The following TTC29 variants were observed in gnomAD, a reference collection of about 807,000 sequenced individuals.
TTC29 encodes tetratricopeptide repeat domain 29.
TTC29 carries 49 observed loss-of-function variants against 58.1 expected under a neutral mutation model. The observed-to-expected ratio is 0.84, with a 90% CI of 0.67 to 1.07. The LOEUF is 1.07. Among genes scored for constraint, TTC29 ranks in the 50% least tolerant of loss-of-function variants. The pLI is 0.00. For missense variants in TTC29, 582 were observed against 555.6 expected, an observed-to-expected ratio of 1.05 and a Z score of -0.48; for synonymous variants, 209 against 196.8, an observed-to-expected ratio of 1.06 and a Z score of -0.52.
intron 11 of TTC29, among the ~76,000 whole-genome samples, chr4:146,801,838 C>T (rs972835588): frequency 9.3e-5 from 14 of 151,150 alleles, no homozygotes; most frequent in Non-Finnish European, 1.9e-4. Flanking sequence ...ATTAGCCGGG[C>T]GTCATGGTTG....
At chr4:146,899,597 C>A (rs573452450) in intron 6 of TTC29, among the ~76,000 whole-genome samples, 1 of 152,132 alleles carries the variant, frequency 6.6e-6, no homozygotes, top group Non-Finnish European at 1.5e-5. Context: ...ACACCAAAGA[C>A]CCATTTTTAG....
At chr4:146,728,827 A>ACATATATATGTATATATATATG (rs1579539140) in intron 11 of TTC29, among the ~76,000 whole-genome samples, 1 of 67,744 alleles carries the variant, frequency 1.5e-5, no homozygotes, top group African/African-American at 4.5e-5. Flanking sequence ...GTATATATAC[A>ACATATATATGTATATATATATG]TATATATACA....
At chr4:146,763,644 T>C (rs916395819) in intron 11 of TTC29, among the ~76,000 whole-genome samples, 8 of 152,130 alleles carry the variant, frequency 5.3e-5, no homozygotes, top group Non-Finnish European at 8.8e-5. Flanking sequence ...TAGTTAAATA[T>C]CACATTTTCA....
chr4:146,788,421 A>C (rs1749194683), intron 11 of TTC29, among the ~76,000 whole-genome samples: 1 of 152,210 alleles, frequency 6.6e-6, no homozygotes, highest in Non-Finnish European at 1.5e-5. Context: ...AAATGACTTT[A>C]TAACATCAGG....
chr4:146,849,869 C>A (rs1230623865), intron 8 of TTC29, among the ~76,000 whole-genome samples: 1 of 152,134 alleles, frequency 6.6e-6, no homozygotes, highest in African/African-American at 2.4e-5. Context: ...ATGGCCCACT[C>A]TCTCACAGGC....
intron 8 of TTC29, among the ~76,000 whole-genome samples, chr4:146,858,755 G>A (rs774994975): frequency 5.3e-5 from 8 of 152,124 alleles, no homozygotes; most frequent in African/African-American, 1.4e-4. Flanking sequence ...AGGATTATCC[G>A]CATCTTACAG....
At chr4:146,710,630 A>C (rs1244452823) in intron 11 of TTC29, among the ~76,000 whole-genome samples, 6 of 152,042 alleles carry the variant, frequency 3.9e-5, no homozygotes, top group African/African-American at 1.2e-4. Context: ...GTGTGATTTG[A>C]GATGTTTGAT....
intron 4 of TTC29, among the ~76,000 whole-genome samples, chr4:146,934,674 A>G (rs151119955): frequency 2.0e-5 from 3 of 148,476 alleles, no homozygotes; most frequent in Non-Finnish European, 4.4e-5. Context: ...GAGTTTGGAA[A>G]GAGAAAGCAG....
intron 7 of TTC29, among the ~76,000 whole-genome samples, chr4:146,870,989 G>A (rs767730358): frequency 8.6e-5 from 13 of 151,764 alleles, no homozygotes; most frequent in South Asian, 2.1e-4. Context: ...ATCATTCTGC[G>A]AGACCAGTAT....
At chr4:146,728,773 ACATATATATGTG>A (rs1744007003) in intron 11 of TTC29, among the ~76,000 whole-genome samples, 1 of 132,768 alleles carries the variant, frequency 7.5e-6, no homozygotes, top group South Asian at 2.3e-4. Flanking sequence ...ATATATATAC[ACATATATATGTG>A]TATATATACG....
chr4:146,942,653 C>A, intron 2 of TTC29: 1 of 1,528,874 alleles, frequency 6.5e-7, no homozygotes, highest in South Asian at 1.2e-5. Flanking sequence ...ACATCGGAAT[C>A]ATCTAAGTTC....
chr4:146,917,953 A>G (rs969798814), intron 4 of TTC29, among the ~76,000 whole-genome samples: 2 of 150,618 alleles, frequency 1.3e-5, no homozygotes, highest in South Asian at 2.1e-4. Flanking sequence ...TTAATATAGC[A>G]TTCTGTTTCA....
At chr4:146,881,916 G>A (rs891106148) in intron 6 of TTC29, among the ~76,000 whole-genome samples, 34 of 152,014 alleles carry the variant, frequency 2.2e-4, no homozygotes, top group Non-Finnish European at 3.8e-4. Flanking sequence ...TAGATATTTA[G>A]ATGAAATATA....
intron 4 of TTC29, among the ~76,000 whole-genome samples, chr4:146,913,323 G>A (rs1734016543): frequency 6.6e-6 from 1 of 152,162 alleles, no homozygotes; most frequent in Admixed American, 6.5e-5. Context: ...AATCACAACA[G>A]GGTCAGAAAT....
At chr4:146,749,996 T>C (rs1245260136) in intron 11 of TTC29, among the ~76,000 whole-genome samples, 3 of 151,632 alleles carry the variant, frequency 2.0e-5, no homozygotes, top group Non-Finnish European at 4.4e-5. Flanking sequence ...ACTGAGGGAA[T>C]TTATTGCCAC....
chr4:146,873,733 T>C (rs1448042436), intron 7 of TTC29, among the ~76,000 whole-genome samples: 1 of 152,162 alleles, frequency 6.6e-6, no homozygotes, highest in African/African-American at 2.4e-5. Flanking sequence ...CAGGGGGTGA[T>C]TTCCTGTGAG....
chr4:146,782,333 T>C (rs1203272619), intron 11 of TTC29, among the ~76,000 whole-genome samples: 1 of 151,668 alleles, frequency 6.6e-6, no homozygotes, highest in Non-Finnish European at 1.5e-5. Context: ...ATTAAATATC[T>C]GTTGGCCATT....
At chr4:146,836,281 T>A (rs534797974) in intron 8 of TTC29, among the ~76,000 whole-genome samples, 4 of 151,988 alleles carry the variant, frequency 2.6e-5, no homozygotes, top group Non-Finnish European at 5.9e-5. Context: ...TTTGAGAGAG[T>A]GTGGGTATTT....
rs1032098789 is a variant in TTC29, at chr4:146,850,856, G to T, written c.885+16642C>A. On this transcript the variant is annotated intron_variant, in intron 8 of 12. Transcript: ENST00000325106. ...AAATGGAGATATAAACAATCATTCTGCTGTAAGCTAATATAAGCTCATAGG... is the reference window on the plus strand; with the variant it reads ...AAATGGAGATATAAACAATCATTCTTCTGTAAGCTAATATAAGCTCATAGG... Among the ~76,000 whole-genome samples the T allele has an allele frequency of 7.9e-5, 12 of 152,194 alleles. No individual in the cohort carries two copies. In the South Asian group the frequency reaches 2.3e-3, roughly 29 times the overall value.
Sources: gnomAD v4.1 joint callset for allele counts (sites outside exome capture counted in the v4.1 genomes callset) on GRCh38, gnomAD v4.1.1 for gene constraint, MANE v1.5 for transcripts, NCBI Gene and HGNC (gene_info 2026-07-23, HGNC 2026-07-21) for gene names.